Variants in GPC5 observed in about 807,000 individuals in gnomAD.
GPC5 encodes the protein glypican-5.
GPC5 carries 47 observed loss-of-function variants against 53.9 expected under a neutral mutation model. That is an observed-to-expected ratio of 0.87 (90% CI 0.69 to 1.11). GPC5 has a LOEUF of 1.11. Ranked by LOEUF, GPC5 falls within the 50% of genes most tolerant of loss-of-function variation. The pLI is 0.00. For missense variants in GPC5, 748 were observed against 713.1 expected (o/e 1.05, Z -0.56); for synonymous variants, 286 against 263.3 (o/e 1.09, Z -0.84).
chr13:92,856,737 C>T (rs1409729564), intron 7 of GPC5, among the ~76,000 whole-genome samples: 2 of 151,688 alleles, frequency 1.3e-5, no homozygotes, highest in African/African-American at 4.8e-5. Flanking sequence ...TTTGTAATAG[C>T]CTTAAAAAAT....
chr13:92,359,692 G>A (rs1313681850), intron 7 of GPC5, among the ~76,000 whole-genome samples: 4 of 151,694 alleles, frequency 2.6e-5, no homozygotes, highest in Non-Finnish European at 5.9e-5. Flanking sequence ...CAAAGAGGAA[G>A]GAGGCACATC....
At chr13:92,202,490 A>C (rs1450308677) in intron 7 of GPC5, among the ~76,000 whole-genome samples, 5 of 152,224 alleles carry the variant, frequency 3.3e-5, no homozygotes, top group Admixed American at 6.5e-5. Context: ...GTGAAGCATT[A>C]TCATTTTGAT....
At chr13:92,163,517 A>C (rs2042006161) in intron 7 of GPC5, among the ~76,000 whole-genome samples, 1 of 152,056 alleles carries the variant, frequency 6.6e-6, no homozygotes, top group Non-Finnish European at 1.5e-5. Flanking sequence ...TGTACAGTAA[A>C]AATTAATGAG....
At chr13:92,557,467 A>C (rs1057491601) in intron 7 of GPC5, among the ~76,000 whole-genome samples, 5 of 152,092 alleles carry the variant, frequency 3.3e-5, no homozygotes, top group East Asian at 1.9e-4. Flanking sequence ...TCATTGTCTT[A>C]AAATAAAACA....
chr13:91,745,883 C>T (rs984735458), intron 4 of GPC5, among the ~76,000 whole-genome samples: 6 of 152,160 alleles, frequency 3.9e-5, no homozygotes, highest in African/African-American at 1.4e-4. Context: ...GACTTCCATT[C>T]TCCATCCGAC....
intron 2 of GPC5, among the ~76,000 whole-genome samples, chr13:91,501,046 C>T (rs1884598797): frequency 1.3e-5 from 2 of 152,120 alleles, no homozygotes; most frequent in South Asian, 4.1e-4. Context: ...GTCCATTAAA[C>T]CTCTTTTTCT....
chr13:92,116,306 G>A (rs950136945), intron 6 of GPC5, among the ~76,000 whole-genome samples: 10 of 151,934 alleles, frequency 6.6e-5, no homozygotes, highest in African/African-American at 2.2e-4. Context: ...TTATGGGGGG[G>A]ATTGGGAACT....
chr13:92,525,169 T>C (rs1881224289), intron 7 of GPC5, among the ~76,000 whole-genome samples: 1 of 152,050 alleles, frequency 6.6e-6, no homozygotes, highest in East Asian at 1.9e-4. Flanking sequence ...TCTTCAGTCA[T>C]CTCACAGTGG....
At chr13:92,047,228 A>G (rs892180586) in intron 6 of GPC5, among the ~76,000 whole-genome samples, 1 of 152,122 alleles carries the variant, frequency 6.6e-6, no homozygotes, top group African/African-American at 2.4e-5. Flanking sequence ...ATCATCCCTG[A>G]TCATTTTTTT....
intron 6 of GPC5, among the ~76,000 whole-genome samples, chr13:92,128,923 A>G (rs1316487335): frequency 6.6e-6 from 1 of 152,200 alleles, no homozygotes; most frequent in African/African-American, 2.4e-5. Flanking sequence ...ACATTGTGCC[A>G]CTGCACTCCA....
Position 92,062,996 on chromosome 13 carries a change from A to G in GPC5, c.1402-81834A>G, listed in dbSNP as rs181950744. On this transcript the variant is annotated intron_variant, in intron 6 of 7. Transcript: ENST00000377067. The stretch of plus-strand genomic sequence containing the variant: ...AGGGCTTTTTAATATATAGATCTGC[A>G]TATGAAGGAGAGATAGTAAAAGAGT... Among the ~76,000 whole-genome samples the G allele has an allele frequency of 3.8e-4, 57 of 151,862 alleles. 1 individual carries two copies. The highest frequency in any genetic ancestry group is 1.3e-3 in the African/African-American group (53 of 41,184).
chr13:92,461,919 G>T (rs1362358656), intron 7 of GPC5, among the ~76,000 whole-genome samples: 1 of 152,188 alleles, frequency 6.6e-6, no homozygotes, highest in Admixed American at 6.6e-5. Flanking sequence ...TCATATTTGG[G>T]CAAAGACCTG....
At chr13:92,844,556 G>C (rs555465470) in intron 7 of GPC5, among the ~76,000 whole-genome samples, 20 of 151,740 alleles carry the variant, frequency 1.3e-4, no homozygotes, top group African/African-American at 4.4e-4. Context: ...GTGTGTGTGT[G>C]TATACGTGTG....
intron 7 of GPC5, among the ~76,000 whole-genome samples, chr13:92,219,479 C>T (rs576458979): frequency 9.9e-4 from 151 of 152,128 alleles, no homozygotes; most frequent in South Asian, 9.6e-3. Flanking sequence ...CTTCCTAGAA[C>T]GAAATCAAAA....
chr13:91,693,916 T>C (rs781049190), intron 3 of GPC5, 35 bp downstream of exon 3: 1 of 1,483,316 alleles, frequency 6.7e-7, no homozygotes, highest in Middle Eastern at 1.8e-4. Flanking sequence ...GTCTGACTTC[T>C]TGTAATTCAA....
rs1566567561 is a variant in GPC5, at chr13:92,385,453, C to CAT, written c.1561+240470_1561+240471dup. Among the ~76,000 whole-genome samples, 28 of 119,406 alleles carry CAT rather than the reference C, an allele frequency of 2.3e-4. 3 individuals carry two copies. Among genetic ancestry groups the CAT allele is most frequent in the African/African-American group, 5.4e-4 (17 of 31,310 alleles). 78.3% of individuals were successfully genotyped at this position (119,406 alleles called of 152,430 possible). A position where few individuals can be genotyped will look rare whatever the true frequency, so the allele number is the denominator to read the frequency against. On this transcript the variant is annotated intron_variant, in intron 7 of 7. Transcript: ENST00000377067. Reference sequence around the variant, plus strand: ...ACATATATACATATATACATATATACATATATACACATATATACATATATA... The same window carrying CAT: ...ACATATATACATATATACATATATACATATATATACACATATATACATATATA...
chr13:92,126,817 AGTGTGT>A (rs71120073), intron 6 of GPC5, among the ~76,000 whole-genome samples: 1 of 149,920 alleles, frequency 6.7e-6, no homozygotes, highest in East Asian at 2.0e-4. Context: ...GAAAAGTTGG[AGTGTGT>A]GTGTGTGTGT....
intron 5 of GPC5, among the ~76,000 whole-genome samples, chr13:91,873,005 T>C (rs1307479145): frequency 1.3e-5 from 2 of 152,222 alleles, no homozygotes; most frequent in African/African-American, 4.8e-5. Flanking sequence ...TTGTAGTTTA[T>C]CTTTCTTACA....
chr13:92,280,936 A>C (rs1449216884), intron 7 of GPC5, among the ~76,000 whole-genome samples: 1 of 152,176 alleles, frequency 6.6e-6, no homozygotes, highest in Non-Finnish European at 1.5e-5. Context: ...GCCTAAGCCA[A>C]AGCAGGGCAA....
Sources: allele counts gnomAD v4.1 joint callset (sites outside exome capture counted in the v4.1 genomes callset), GRCh38; gene constraint gnomAD v4.1.1; transcripts MANE v1.5; gene names NCBI Gene and HGNC (gene_info 2026-07-23, HGNC 2026-07-21).